Variants in KLHL20 observed in about 807,000 individuals in gnomAD.
KLHL20 encodes kelch like family member 20.
KLHL20 carries 29 observed loss-of-function variants against 69.5 expected under a neutral mutation model. The ratio of observed to expected loss-of-function variants is 0.42; its 90% CI spans 0.31 to 0.57. KLHL20 has a LOEUF of 0.57. Ranked by LOEUF, KLHL20 falls within the 20% of genes least tolerant of loss-of-function variation. KLHL20 has a pLI of 0.18. For missense variants in KLHL20, 419 were observed against 776.0 expected (o/e 0.54, Z 5.47); for synonymous variants, 253 against 265.2 (o/e 0.95, Z 0.45).
Position 173,734,281 on chromosome 1 carries a change from C to A in KLHL20, c.592C>A (p.Gln198Lys). The A allele has an allele frequency of 6.2e-7, 1 of 1,614,084 alleles. No individual in the cohort carries two copies. The highest frequency in any genetic ancestry group is 1.1e-5 in the South Asian group (1 of 91,068). ...IADKFTQHNF[Q>K]EVMESEEFML... ...AGACAAGTTCACCCAACATAACTTTCAAGAGGTGAGTTGCACTTGGTGTTC... is the reference window on the plus strand; with the variant it reads ...AGACAAGTTCACCCAACATAACTTTAAAGAGGTGAGTTGCACTTGGTGTTC... Residue 198 changes from glutamine (Q) to lysine (K), a missense_variant, in exon 3 of 12, where the codon CAA (glutamine) becomes AAA (lysine). Physicochemically the swap from Gln to Lys is moderately conservative, Grantham distance 53. Transcript: ENST00000209884.
At chr1:173,733,398 T>C (rs544132221) in intron 2 of KLHL20, among the ~76,000 whole-genome samples, 128 of 152,310 alleles carry the variant, frequency 8.4e-4, no homozygotes, top group African/African-American at 2.9e-3. Flanking sequence ...ATTTTTAAAA[T>C]GGATAAGCAT....
At chr1:173,755,773 T>G (rs1485281713) in intron 5 of KLHL20, 150 bp from the exon 6 acceptor site, 4 of 577,248 alleles carry the variant, frequency 6.9e-6, no homozygotes, top group Non-Finnish European at 1.2e-5. Flanking sequence ...GGTTTCATGT[T>G]TGTGCCAATT....
At chr1:173,742,791 G>A (rs1672878302) in intron 3 of KLHL20, among the ~76,000 whole-genome samples, 1 of 151,142 alleles carries the variant, frequency 6.6e-6, no homozygotes, top group South Asian at 2.1e-4. Flanking sequence ...TATATATGCT[G>A]AAGTAAAAGT....
intron 3 of KLHL20, among the ~76,000 whole-genome samples, chr1:173,745,940 G>A (rs772232002): frequency 6.6e-6 from 1 of 151,994 alleles, no homozygotes; most frequent in Non-Finnish European, 1.5e-5. Context: ...TCCAGCCTGG[G>A]CAACAGAGTG....
chr1:173,772,156 G>A (rs772639467), intron 8 of KLHL20, among the ~76,000 whole-genome samples: 4 of 152,194 alleles, frequency 2.6e-5, no homozygotes, highest in Non-Finnish European at 5.9e-5. Context: ...TCTACTCCCA[G>A]ATTGTATCTT....
chr1:173,770,680 CAA>C (rs368668788), intron 8 of KLHL20, among the ~76,000 whole-genome samples: 2 of 99,756 alleles, frequency 2.0e-5, no homozygotes, highest in Non-Finnish European at 2.2e-5. Flanking sequence ...AACTCTCTCT[CAA>C]AAAAAAAAAA....
chr1:173,785,213 T>C lies in KLHL20; in HGVS notation c.1796T>C (p.Ile599Thr). The C allele has an allele frequency of 1.2e-6, 2 of 1,611,934 alleles. No homozygotes were observed. Among genetic ancestry groups the C allele is most frequent in the South Asian group, 2.2e-5 (2 of 90,626 alleles). The change falls in exon 12 of 12, where the codon ATT becomes ACT. Residue 599 changes from isoleucine to threonine, a missense_variant. By Grantham distance (89) the Ile-to-Thr change is moderately conservative. This residue lies in a region of KLHL20 where 79 missense variants were observed against 154.4 expected (regional missense o/e 0.51). Coordinates refer to ENST00000209884, the MANE Select transcript of KLHL20 (RefSeq NM_014458.4). ...CGGCTAGGGGGTGGCGTAGGAGTTA[T>C]TAAAATGACACATTGTGAATCCCAT... is the stretch of plus-strand genomic sequence containing the variant. ...YRRLGGGVGV[I>T]KMTHCESHIW
intron 8 of KLHL20, among the ~76,000 whole-genome samples, chr1:173,766,611 C>T (rs1358725882): frequency 6.7e-6 from 1 of 149,106 alleles, no homozygotes; most frequent in African/African-American, 2.5e-5. Flanking sequence ...CACTGTACTC[C>T]AGCCTGGGTG....
intron 3 of KLHL20, chr1:173,742,069 C>G: frequency 2.4e-6 from 1 of 409,494 alleles, no homozygotes; most frequent in South Asian, 8.4e-5. Flanking sequence ...AACCGATGAC[C>G]TAACAGAAAA....
At chr1:173,730,401 C>T (rs560906130) in intron 2 of KLHL20, among the ~76,000 whole-genome samples, 37 of 151,940 alleles carry the variant, frequency 2.4e-4, no homozygotes, top group East Asian at 5.8e-4. Context: ...AAAAAGAGCC[C>T]GCATTGCCAA....
intron 7 of KLHL20, among the ~76,000 whole-genome samples, chr1:173,757,993 C>T (rs548681130): frequency 3.9e-5 from 6 of 152,072 alleles, no homozygotes; most frequent in African/African-American, 9.7e-5. Flanking sequence ...GAAACGCTGC[C>T]GCATATCAAG....
chr1:173,775,607 AC>A (rs780826983), intron 9 of KLHL20, 26 bp from the exon 10 acceptor site: 5 of 1,592,130 alleles, frequency 3.1e-6, no homozygotes, highest in Middle Eastern at 1.8e-4. Context: ...TTGAATGCTC[AC>A]TTACTGGTTT....
chr1:173,782,197 T>C lies in KLHL20; in HGVS notation c.1712T>C (p.Ile571Thr), dbSNP rs1648926467. Residue 571 changes from isoleucine to threonine, a missense_variant, in exon 11 of 12, where the codon ATA (isoleucine) becomes ACA (threonine). Ile to Thr is a moderately conservative substitution (Grantham distance 89). This residue lies in a region of KLHL20 where 79 missense variants were observed against 154.4 expected (regional missense o/e 0.51). Coordinates refer to ENST00000209884, the MANE Select transcript of KLHL20 (RefSeq NM_014458.4). ...GATGGCACAACATACTTGAAGACCA[T>C]AGAAGTTTTTGATCCTGATGCCAAT... is the stretch of plus-strand genomic sequence containing the variant. The part of the protein sequence containing the change: ...GFDGTTYLKT[I>T]EVFDPDANTW... The C allele has an allele frequency of 2.5e-6, 4 of 1,613,968 alleles. No homozygotes were observed. The highest frequency in any genetic ancestry group is 3.4e-6 in the Non-Finnish European group (4 of 1,179,894).
At chr1:173,735,450 C>CA (rs60081642) in intron 3 of KLHL20, among the ~76,000 whole-genome samples, 22,652 of 107,794 alleles carry the variant, frequency 0.21, 1,879 homozygotes, top group East Asian at 0.38. Context: ...GACCCTATCT[C>CA]AAAAAAAAAA....
intron 2 of KLHL20, among the ~76,000 whole-genome samples, chr1:173,718,628 T>C (rs1330939575): frequency 6.6e-6 from 1 of 151,742 alleles, no homozygotes; most frequent in Non-Finnish European, 1.5e-5. Flanking sequence ...CTTAGGAGGC[T>C]GAAGCAGGAG....
At chr1:173,749,909 T>C (rs1014646414) in intron 3 of KLHL20, among the ~76,000 whole-genome samples, 4 of 152,190 alleles carry the variant, frequency 2.6e-5, no homozygotes, top group African/African-American at 9.7e-5. Context: ...TTACTAGAGC[T>C]AAGCCCCAAA....
intron 10 of KLHL20, 168 bp from the exon 11 acceptor site, chr1:173,781,956 C>G: frequency 9.4e-6 from 5 of 529,666 alleles, no homozygotes; most frequent in Non-Finnish European, 1.7e-5. Flanking sequence ...TTTATAGTTC[C>G]CATAATTTGA....
At chr1:173,733,021 CTTTTTTTTT>C (rs746523298) in intron 2 of KLHL20, among the ~76,000 whole-genome samples, 1 of 125,746 alleles carries the variant, frequency 8.0e-6, no homozygotes, top group Admixed American at 8.3e-5. Context: ...TCAATCCAGA[CTTTTTTTTT>C]TTTTTTTTTT....
At chr1:173,756,086 A>G in intron 6 of KLHL20, 48 bp downstream of exon 6, 1 of 1,309,566 alleles carries the variant, frequency 7.6e-7, no homozygotes, top group Admixed American at 1.9e-5. Context: ...TTCCCAGGTG[A>G]GAAACTGTCA....
Sources: allele counts gnomAD v4.1 joint callset (sites outside exome capture counted in the v4.1 genomes callset), GRCh38; gene constraint gnomAD v4.1.1; regional missense constraint gnomAD v4.1.1; transcripts MANE v1.5; gene names NCBI Gene and HGNC (gene_info 2026-07-23, HGNC 2026-07-21).